Variants in EDNRB observed in about 807,000 individuals in gnomAD.
EDNRB encodes endothelin receptor type B.
EDNRB carries 18 observed loss-of-function variants against 46.4 expected under a neutral mutation model. The observed-to-expected ratio is 0.39, with a 90% CI of 0.27 to 0.57. The LOEUF (loss-of-function observed/expected upper bound fraction) is 0.57, where lower values mean the gene tolerates loss of function less well. Ranked by LOEUF, EDNRB falls within the 20% of genes least tolerant of loss-of-function variation. EDNRB has a pLI of 0.61. For synonymous variants in EDNRB, 213 were observed against 204.9 expected (o/e 1.04, Z -0.34); for missense variants, 434 against 537.5 (o/e 0.81, Z 1.90).
At chr13:77,948,490 A>G (rs1195535808) in intron 1 of EDNRB, among the ~76,000 whole-genome samples, 1 of 152,184 alleles carries the variant, frequency 6.6e-6, no homozygotes, top group East Asian at 1.9e-4. Context: ...TGATACGTCT[A>G]CAATTCTCCA....
At chr13:77,911,756 A>G (rs1879582857) in intron 1 of EDNRB, among the ~76,000 whole-genome samples, 2 of 152,168 alleles carry the variant, frequency 1.3e-5, no homozygotes, top group South Asian at 4.1e-4. Flanking sequence ...GGGAAGGATA[A>G]ATAACTCTCT....
At position 77,896,407 on chromosome 13, in the gene EDNRB, G is replaced by A; in HGVS notation, c.*1793C>T. On this transcript the variant is annotated 3_prime_UTR_variant, in exon 7 of 7. Coordinates refer to ENST00000646607, the MANE Select transcript of EDNRB (RefSeq NM_001122659.3). The stretch of plus-strand genomic sequence containing the variant: ...GATGAAATTAAAGAACAAGTTTGTG[G>A]GTGATTTATAAATAGAATCCATATG... The A allele has an allele frequency of 6.5e-7, 1 of 1,529,704 alleles. No homozygotes were observed. Among genetic ancestry groups the A allele is most frequent in the Non-Finnish European group, 8.8e-7 (1 of 1,139,290 alleles). The allele number at this position is 1,529,704 out of a possible 1,614,324, so 94.8% of individuals were successfully genotyped here. A position where few individuals can be genotyped will look rare whatever the true frequency, so the allele number is the denominator to read the frequency against.
intron 1 of EDNRB, among the ~76,000 whole-genome samples, chr13:77,950,621 G>A (rs1881064579): frequency 6.6e-6 from 1 of 152,144 alleles, no homozygotes; most frequent in African/African-American, 2.4e-5. Context: ...CTGCTGCAGG[G>A]TTTTATCCTG....
chr13:77,903,457 A>G, intron 2 of EDNRB, 38 bp downstream of exon 2: 1 of 1,609,432 alleles, frequency 6.2e-7, no homozygotes, highest in Non-Finnish European at 8.5e-7. Context: ...ACAATAGTAT[A>G]TATTCAGAAT....
rs537673204 is a variant in EDNRB, at chr13:77,907,489, C to T, written c.484-3882G>A. On this transcript the variant is annotated intron_variant, in intron 1 of 6. Transcript: ENST00000646607. ...TCTATAATCTCATAAACCAATTCCT[C>T]ATTATCTATTTATCTGTCTGTCTAC... Among the ~76,000 whole-genome samples, 8 of 152,002 alleles carry T rather than the reference C, an allele frequency of 5.3e-5. No individual in the cohort carries two copies. The South Asian group carries it at 1.7e-3, about 32-fold the overall frequency.
intron 1 of EDNRB, among the ~76,000 whole-genome samples, chr13:77,925,028 A>G (rs1880194418): frequency 6.6e-6 from 1 of 152,224 alleles, no homozygotes; most frequent in African/African-American, 2.4e-5. Flanking sequence ...CTGAAAACGG[A>G]CTAACACAAA....
At chr13:77,948,974 C>T (rs751425015) in intron 1 of EDNRB, among the ~76,000 whole-genome samples, 4 of 152,174 alleles carry the variant, frequency 2.6e-5, no homozygotes, top group Non-Finnish European at 5.9e-5. Flanking sequence ...GCTTACTTAA[C>T]ATTTATCTGC....
At chr13:77,913,551 T>C (rs1879679310) in intron 1 of EDNRB, among the ~76,000 whole-genome samples, 1 of 152,208 alleles carries the variant, frequency 6.6e-6, no homozygotes, top group African/African-American at 2.4e-5. Context: ...GGAAGCTATA[T>C]TTGAGAGCTA....
intron 1 of EDNRB, among the ~76,000 whole-genome samples, chr13:77,946,089 C>T (rs1880904304): frequency 1.3e-5 from 2 of 152,046 alleles, no homozygotes; most frequent in Non-Finnish European, 2.9e-5. Flanking sequence ...AATAAGATTC[C>T]CTTAAAAGTC....
At chr13:77,931,138 T>A (rs553495624) in intron 1 of EDNRB, among the ~76,000 whole-genome samples, 2 of 152,196 alleles carry the variant, frequency 1.3e-5, no homozygotes, top group Non-Finnish European at 2.9e-5. Flanking sequence ...AAAGCCATCG[T>A]GTAAGGCCAG....
At chr13:77,970,098 A>C (rs535826193) in intron 1 of EDNRB, among the ~76,000 whole-genome samples, 3 of 152,336 alleles carry the variant, frequency 2.0e-5, no homozygotes, top group African/African-American at 7.2e-5. Flanking sequence ...CTTGATGAAG[A>C]AGCTTTGGAA....
Position 77,897,797 on chromosome 13 carries a change from T to C in EDNRB, c.*403A>G, listed in dbSNP as rs945780558. The stretch of plus-strand genomic sequence containing the variant: ...AGTAATTTAAGCTTCATTTAAAAGT[T>C]CTGTTTTACAGTGACTTATTCTTCC... On this transcript the variant is annotated 3_prime_UTR_variant, in exon 7 of 7. Coordinates refer to ENST00000646607, the MANE Select transcript of EDNRB (RefSeq NM_001122659.3). 8 of 991,066 alleles carry C rather than the reference T, an allele frequency of 8.1e-6. No individual in the cohort carries two copies. The highest frequency in any genetic ancestry group is 5.9e-5 in the Admixed American group (1 of 17,046). 61.4% of individuals were successfully genotyped at this position (991,066 alleles called of 1,614,324 possible). A position where few individuals can be genotyped will look rare whatever the true frequency, so the allele number is the denominator to read the frequency against.
intron 1 of EDNRB, among the ~76,000 whole-genome samples, chr13:77,966,119 G>A (rs1881573668): frequency 6.6e-6 from 1 of 152,016 alleles, no homozygotes; most frequent in Non-Finnish European, 1.5e-5. Context: ...GAATTCATGG[G>A]CTCAAGTGCT....
chr13:77,919,541 C>A (rs1880003900), upstream of EDNRB: 8 of 1,612,692 alleles, frequency 5.0e-6, no homozygotes, highest in Non-Finnish European at 6.8e-6. Flanking sequence ...CGAAACGCTG[C>A]GAGAATGCCA....
At chr13:77,914,040 T>C (rs192615069) in intron 1 of EDNRB, among the ~76,000 whole-genome samples, 105 of 152,378 alleles carry the variant, frequency 6.9e-4, no homozygotes, top group Middle Eastern at 3.4e-3. Context: ...AACATTAATA[T>C]GCATTTACAT....
At chr13:77,945,529 C>T (rs966374579) in intron 1 of EDNRB, among the ~76,000 whole-genome samples, 12 of 152,098 alleles carry the variant, frequency 7.9e-5, no homozygotes, top group African/African-American at 2.7e-4. Flanking sequence ...AAATCTGGAG[C>T]GAAAGGCAAA....
chr13:77,937,266 C>G (rs140108197), intron 1 of EDNRB, among the ~76,000 whole-genome samples: 2,208 of 152,306 alleles, frequency 0.014, 46 homozygotes, highest in East Asian at 0.024. Context: ...GTAATCTTGT[C>G]TAGCTATACC....
At chr13:77,969,880 C>T (rs778657603) in intron 1 of EDNRB, among the ~76,000 whole-genome samples, 28 of 152,210 alleles carry the variant, frequency 1.8e-4, no homozygotes, top group East Asian at 3.9e-4. Flanking sequence ...AATGTTTCTA[C>T]GAGGTCAGCT....
chr13:77,957,965 G>A (rs1331774221), intron 1 of EDNRB, among the ~76,000 whole-genome samples: 1 of 152,158 alleles, frequency 6.6e-6, no homozygotes, highest in Non-Finnish European at 1.5e-5. Flanking sequence ...TAGAGTCTGT[G>A]ACAAATTCTT....
Sources: gnomAD v4.1 joint callset for allele counts (sites outside exome capture counted in the v4.1 genomes callset) on GRCh38, gnomAD v4.1.1 for gene constraint, MANE v1.5 for transcripts, NCBI Gene and HGNC (gene_info 2026-07-23, HGNC 2026-07-21) for gene names.